SNTG1: variants seen among roughly 807,000 people sequenced by gnomAD.
SNTG1 encodes the protein syntrophin gamma 1.
SNTG1 carries 39 observed loss-of-function variants against 74.7 expected under a neutral mutation model. That is an observed-to-expected ratio of 0.52 (90% CI 0.40 to 0.68). SNTG1 has a LOEUF of 0.68. SNTG1 is among the 30% of genes least tolerant of loss of function. The probability of loss-of-function intolerance (pLI) is 0.00; values close to 1 mark genes in which losing one functional copy is unlikely to be tolerated. For synonymous variants in SNTG1, 254 were observed against 217.1 expected (o/e 1.17, Z -1.49); for missense variants, 685 against 609.5 (o/e 1.12, Z -1.30).
chr8:50,192,385 T>C lies in SNTG1; in HGVS notation c.-28+19750T>C, dbSNP rs557039593. 3.9e-5 allele frequency among the ~76,000 whole-genome samples: 6 copies of C among 152,202 alleles called. No homozygotes were observed. In the South Asian group the frequency reaches 1.0e-3, roughly 26 times the overall value. ...GGCCCATTTTGTTGTTACACCATCA[T>C]GTAACATTTCCCTGATCATTATTGA... On this transcript the variant is annotated intron_variant, in intron 2 of 18. Coordinates refer to ENST00000642720, the MANE Select transcript of SNTG1 (RefSeq NM_018967.5).
intron 13 of SNTG1, among the ~76,000 whole-genome samples, chr8:50,636,074 A>C (rs1585913776): frequency 6.7e-6 from 1 of 148,380 alleles, no homozygotes; most frequent in African/African-American, 2.4e-5. Context: ...TGTGTCTAGA[A>C]ATGTCCTGGA....
intron 2 of SNTG1, among the ~76,000 whole-genome samples, chr8:50,379,646 C>T (rs2092448937): frequency 6.6e-6 from 1 of 152,212 alleles, no homozygotes; most frequent in South Asian, 2.1e-4. Context: ...CTCCAGACAG[C>T]CTGCTGCTGC....
chr8:50,405,795 A>G (rs1335097880), intron 4 of SNTG1, among the ~76,000 whole-genome samples: 2 of 152,082 alleles, frequency 1.3e-5, no homozygotes, highest in Admixed American at 1.3e-4. Flanking sequence ...GCGTTTGGTT[A>G]TATTTTAAGT....
chr8:50,467,070 C>T (rs2093614321), intron 8 of SNTG1, among the ~76,000 whole-genome samples: 1 of 151,832 alleles, frequency 6.6e-6, no homozygotes, highest in South Asian at 2.1e-4. Context: ...GTTTGATTTG[C>T]TAATATTTTA....
At chr8:50,137,073 T>C (rs2081497910) in intron 1 of SNTG1, among the ~76,000 whole-genome samples, 1 of 152,108 alleles carries the variant, frequency 6.6e-6, no homozygotes, top group South Asian at 2.1e-4. Flanking sequence ...TCAGAATGAC[T>C]TCATTTTCAG....
intron 1 of SNTG1, among the ~76,000 whole-genome samples, chr8:50,103,267 G>C (rs182871539): frequency 6.6e-6 from 1 of 152,116 alleles, no homozygotes; most frequent in African/African-American, 2.4e-5. Context: ...TCTTGAAGAG[G>C]TCCTTCACGT....
intron 13 of SNTG1, among the ~76,000 whole-genome samples, chr8:50,614,534 T>C (rs2094873425): frequency 6.6e-6 from 1 of 152,094 alleles, no homozygotes; most frequent in African/African-American, 2.4e-5. Context: ...AATTGACGTA[T>C]AGTAGAATGC....
chr8:50,189,971 C>T (rs1006832397), intron 2 of SNTG1, among the ~76,000 whole-genome samples: 1 of 152,066 alleles, frequency 6.6e-6, no homozygotes, highest in African/African-American at 2.4e-5. Flanking sequence ...ATTTTGTGAA[C>T]AATGGGAAGA....
chr8:50,657,707 C>G (rs142486100), intron 14 of SNTG1, among the ~76,000 whole-genome samples: 1 of 152,072 alleles, frequency 6.6e-6, no homozygotes, highest in Non-Finnish European at 1.5e-5. Context: ...TCATTTATGA[C>G]AAGTCGAACT....
At position 50,390,296 on chromosome 8, in the gene SNTG1, A is replaced by G. The variant is rs191963458; in HGVS notation, c.-27-3916A>G. On this transcript the variant is annotated intron_variant, in intron 2 of 18. Coordinates refer to ENST00000642720, the MANE Select transcript of SNTG1 (RefSeq NM_018967.5). Reference sequence around the variant, plus strand: ...GGAAGGGATCCATTTTCAGCTTTCTACATATAGCTAGCCAGTTTTCCCAAC... The same window carrying G: ...GGAAGGGATCCATTTTCAGCTTTCTGCATATAGCTAGCCAGTTTTCCCAAC... 6.6e-5 allele frequency among the ~76,000 whole-genome samples: 10 copies of G among 152,316 alleles called. No individual in the cohort carries two copies. The East Asian group carries it at 1.9e-3, about 29-fold the overall frequency.
chr8:50,086,814 C>CTA (rs1181608119), intron 1 of SNTG1, among the ~76,000 whole-genome samples: 1 of 152,032 alleles, frequency 6.6e-6, no homozygotes, highest in African/African-American at 2.4e-5. Flanking sequence ...GATTATAAGC[C>CTA]TATTATATAT....
At chr8:50,521,733 A>G (rs1468512069) in intron 9 of SNTG1, among the ~76,000 whole-genome samples, 1 of 152,208 alleles carries the variant, frequency 6.6e-6, no homozygotes, top group African/African-American at 2.4e-5. Context: ...GTAATATTCT[A>G]AATACTTTAT....
intron 18 of SNTG1, among the ~76,000 whole-genome samples, chr8:50,765,938 A>G (rs1034510532): frequency 6.6e-6 from 1 of 152,006 alleles, no homozygotes; most frequent in Non-Finnish European, 1.5e-5. Context: ...ATGAGTAAAC[A>G]ATACTGAGGA....
At chr8:50,577,748 A>G (rs16915050) in intron 12 of SNTG1, among the ~76,000 whole-genome samples, 71 of 152,328 alleles carry the variant, frequency 4.7e-4, no homozygotes, top group African/African-American at 1.6e-3. Context: ...GATGATTTCC[A>G]TTATTGTTGC....
intron 5 of SNTG1, among the ~76,000 whole-genome samples, chr8:50,444,217 G>T (rs527991455): frequency 1.3e-5 from 2 of 151,958 alleles, no homozygotes; most frequent in Non-Finnish European, 2.9e-5. Flanking sequence ...TAAGATAAAG[G>T]GTTGAGTACT....
chr8:50,438,136 G>A (rs1462122141), intron 4 of SNTG1, among the ~76,000 whole-genome samples: 2 of 152,058 alleles, frequency 1.3e-5, no homozygotes, highest in Non-Finnish European at 2.9e-5. Context: ...ATGGAGACAG[G>A]GCCATGGTTT....
intron 11 of SNTG1, among the ~76,000 whole-genome samples, chr8:50,547,592 A>T (rs1013201424): frequency 2.0e-5 from 3 of 152,062 alleles, no homozygotes; most frequent in African/African-American, 7.2e-5. Flanking sequence ...ATATGAATTT[A>T]TTAATTAATA....
intron 1 of SNTG1, among the ~76,000 whole-genome samples, chr8:49,935,552 A>G (rs897040086): frequency 6.6e-6 from 1 of 151,952 alleles, no homozygotes; most frequent in African/African-American, 2.4e-5. Flanking sequence ...AAAAGAAAAA[A>G]AAATCATGCA....
chr8:50,441,206 C>T (rs1208165881), intron 5 of SNTG1, among the ~76,000 whole-genome samples: 7 of 152,146 alleles, frequency 4.6e-5, no homozygotes, highest in Non-Finnish European at 7.4e-5. Context: ...TCTGTAGCTA[C>T]CAGTGTCCAC....
Sources: allele counts gnomAD v4.1 joint callset (sites outside exome capture counted in the v4.1 genomes callset), GRCh38; gene constraint gnomAD v4.1.1; transcripts MANE v1.5; gene names NCBI Gene and HGNC (gene_info 2026-07-23, HGNC 2026-07-21).